RPTOR: variants seen among roughly 807,000 people sequenced by gnomAD.
RPTOR encodes the protein regulatory associated protein of MTOR complex 1, also known as regulatory-associated protein of mTOR.
RPTOR carries 21 observed loss-of-function variants against 169.9 expected under a neutral mutation model. The ratio of observed to expected loss-of-function variants is 0.12; its 90% CI spans 0.09 to 0.18. RPTOR has a LOEUF of 0.18. Among genes scored for constraint, RPTOR ranks in the 10% least tolerant of loss-of-function variants. RPTOR has a pLI of 1.00. For missense variants in RPTOR, 1,133 were observed against 1,855.9 expected, an observed-to-expected ratio of 0.61 and a Z score of 7.16; for synonymous variants, 732 against 753.2, an observed-to-expected ratio of 0.97 and a Z score of 0.46.
Position 80,922,823 on chromosome 17 carries a change from G to C in RPTOR, c.2620G>C (p.Ala874Pro). The C allele has an allele frequency of 1.9e-6, 3 of 1,565,974 alleles. No homozygotes were observed. The highest frequency in any genetic ancestry group is 1.2e-5 in the South Asian group (1 of 85,874). ...CAACAAGGGCGTGCACATCCACCAG[G>C]CGGGGTAAGTGCCGCCCGCTCAGCC... is the stretch of plus-strand genomic sequence containing the variant. ...PTNKGVHIHQAGGSPPASSTS... is the reference protein window; with the variant it reads ...PTNKGVHIHQPGGSPPASSTS... The change falls in exon 22 of 34, where the codon GCG (alanine) becomes CCG (proline). Residue 874 changes from alanine to proline, a missense_variant. Ala to Pro is a conservative substitution (Grantham distance 27). Around this residue, in one of 9 missense-constraint regions of RPTOR, gnomAD observed 123 missense variants for 129.0 expected, o/e 0.95. Coordinates refer to ENST00000306801, the MANE Select transcript of RPTOR (RefSeq NM_020761.3).
intron 3 of RPTOR, among the ~76,000 whole-genome samples, chr17:80,690,039 A>G (rs1481586452): frequency 6.6e-6 from 1 of 152,222 alleles, no homozygotes; most frequent in Non-Finnish European, 1.5e-5. Flanking sequence ...TTAATCATTG[A>G]AACATTTTCA....
At position 80,730,994 on chromosome 17, in the gene RPTOR, C is replaced by T. The variant is rs541829018; in HGVS notation, c.654+288C>T. 6.6e-6 allele frequency among the ~76,000 whole-genome samples: 1 copy of T among 152,304 alleles called. No homozygotes were observed. The highest frequency in any genetic ancestry group is 2.1e-4 in the South Asian group (1 of 4,832). ...GCCCAAGCAATCTTCCCTTCTCAGC[C>T]TCCTGAGTAGCTGAGACTACAGGTG... On this transcript the variant is annotated intron_variant, in intron 5 of 33. Coordinates refer to ENST00000306801, the MANE Select transcript of RPTOR (RefSeq NM_020761.3). This position sits in a 1 kb window ranked among gnomAD's most constrained non-coding sequence, Gnocchi z 4.2.
chr17:80,833,460 T>G (rs2067529490), intron 9 of RPTOR, among the ~76,000 whole-genome samples: 1 of 152,166 alleles, frequency 6.6e-6, no homozygotes, highest in Non-Finnish European at 1.5e-5. Flanking sequence ...ACCTTCCCGG[T>G]CCCCTCCCAC....
intron 17 of RPTOR, among the ~76,000 whole-genome samples, chr17:80,890,756 C>T (rs1240529305): frequency 6.6e-6 from 1 of 152,152 alleles, no homozygotes; most frequent in Non-Finnish European, 1.5e-5. Context: ...AGGGAAACCA[C>T]AAAGCATGAT....
chr17:80,822,399 T>C, intron 8 of RPTOR, 98 bp downstream of exon 8: 1 of 1,195,302 alleles, frequency 8.4e-7, no homozygotes, highest in South Asian at 1.2e-5. Context: ...GATCCGTGAG[T>C]GCCTCCCTAG....
At chr17:80,757,328 A>G (rs562694944) in intron 6 of RPTOR, among the ~76,000 whole-genome samples, 2 of 152,272 alleles carry the variant, frequency 1.3e-5, no homozygotes, top group East Asian at 3.9e-4. Flanking sequence ...GAGGCGGAAG[A>G]CCCTCTTGAG....
chr17:80,628,638 C>G (rs2065414398), intron 2 of RPTOR, among the ~76,000 whole-genome samples: 3 of 151,858 alleles, frequency 2.0e-5, no homozygotes, highest in South Asian at 4.2e-4. Flanking sequence ...TTTATTCTCC[C>G]CACCCTTTTT....
intron 7 of RPTOR, among the ~76,000 whole-genome samples, chr17:80,801,165 C>T (rs1003872964): frequency 1.3e-5 from 2 of 152,184 alleles, no homozygotes; most frequent in Non-Finnish European, 2.9e-5. Context: ...GGAGCTGCTG[C>T]TTGAGAGCAC....
Position 80,893,428 on chromosome 17 carries a change from GCCAGGGTGTGTGTA to G in RPTOR, c.2243-277_2243-264del, listed in dbSNP as rs1325625996. Among the ~76,000 whole-genome samples, 9 of 146,098 alleles carry G rather than the reference GCCAGGGTGTGTGTA, an allele frequency of 6.2e-5. No individual in the cohort carries two copies. The East Asian group carries it at 1.6e-3, about 26-fold the overall frequency. On this transcript the variant is annotated intron_variant, in intron 19 of 33. Coordinates refer to ENST00000306801, the MANE Select transcript of RPTOR (RefSeq NM_020761.3). ...TGTGTGTGTACAAGGGTGTGTGTGT[GCCAGGGTGTGTGTA>G]CTGGGTGTGTATACGCGCCAGGTTG... is the stretch of plus-strand genomic sequence containing the variant.
rs143747077 is a variant in RPTOR, at chr17:80,644,764, G to A, written c.348+954G>A. On this transcript the variant is annotated intron_variant, in intron 3 of 33. Coordinates refer to ENST00000306801, the MANE Select transcript of RPTOR (RefSeq NM_020761.3). ...TACATTATTTACATTCTTAGAGTAA[G>A]AGAACAGCCAAAAATGAATTTTTTC... Among the ~76,000 whole-genome samples, 457 of 152,312 alleles carry A rather than the reference G, an allele frequency of 3.0e-3. 2 individuals carry two copies. The highest frequency in any genetic ancestry group is 0.01 in the African/African-American group (419 of 41,566).
intron 5 of RPTOR, among the ~76,000 whole-genome samples, chr17:80,750,548 AGCACCAG>A (rs2066620868): frequency 6.6e-6 from 1 of 152,186 alleles, no homozygotes; most frequent in Admixed American, 6.5e-5. Context: ...GTGCCCTCCC[AGCACCAG>A]GCACACATGG....
At chr17:80,923,266 A>G (rs780619650) in intron 22 of RPTOR, among the ~76,000 whole-genome samples, 2 of 152,082 alleles carry the variant, frequency 1.3e-5, no homozygotes, top group Admixed American at 6.5e-5. Context: ...CTGGAGTTCA[A>G]TGAGGGACAA....
At chr17:80,839,098 GGAAGCTTTTAACACA>G (rs1375232407) in intron 10 of RPTOR, among the ~76,000 whole-genome samples, 1 of 152,200 alleles carries the variant, frequency 6.6e-6, no homozygotes, top group African/African-American at 2.4e-5. Context: ...CAGCCGTCAG[GGAAGCTTTTAACACA>G]TGCAGTCGGG....
At chr17:80,822,784 G>C (rs1269847505) in intron 8 of RPTOR, among the ~76,000 whole-genome samples, 1 of 82,754 alleles carries the variant, frequency 1.2e-5, no homozygotes, top group East Asian at 2.3e-4. Flanking sequence ...GTGTACACCT[G>C]TATGTGTGTG....
Position 80,925,444 on chromosome 17 carries a change from C to T in RPTOR, c.2883C>T (p.Asp961=), listed in dbSNP as rs1371804350. Residue 961 remains aspartate (D), a synonymous_variant, in exon 24 of 34, where the codon GAC becomes GAT. Transcript: ENST00000306801. The stretch of plus-strand genomic sequence containing the variant: ...CCACGGTGCAGACGGGGTTCTGCGA[C>T]TGGAGCGCCCGCTATTTTGCCCAGC... ...ISATVQTGFC[D]WSARYFAQPV... is the part of the protein sequence containing the mutation. 1.9e-6 allele frequency: 3 copies of T among 1,613,584 alleles called. No individual in the cohort carries two copies. The Admixed American group carries it at 5.0e-5, about 27-fold the overall frequency.
At position 80,845,485 on chromosome 17, in the gene RPTOR, T is replaced by G. The variant is rs2067718763; in HGVS notation, c.1213-988T>G. 6.6e-6 allele frequency among the ~76,000 whole-genome samples: 1 copy of G among 150,982 alleles called. No homozygotes were observed. The highest frequency in any genetic ancestry group is 1.5e-5 in the Non-Finnish European group (1 of 67,764). Reference sequence around the variant, plus strand: ...CTGCCGGGTCCTCCAGCCCTCCCCCTGCTTCTCTGCATCTGGGCCCCCTTG... The same window carrying G: ...CTGCCGGGTCCTCCAGCCCTCCCCCGGCTTCTCTGCATCTGGGCCCCCTTG... On this transcript the variant is annotated intron_variant, in intron 10 of 33. Coordinates refer to ENST00000306801, the MANE Select transcript of RPTOR (RefSeq NM_020761.3). This position sits in a 1 kb window ranked among gnomAD's most constrained non-coding sequence, Gnocchi z 5.4.
chr17:80,650,901 G>A (rs2065634068), intron 3 of RPTOR, among the ~76,000 whole-genome samples: 1 of 152,166 alleles, frequency 6.6e-6, no homozygotes, highest in South Asian at 2.1e-4. Context: ...CCTACTTGAA[G>A]TGTAATACTT....
Position 80,947,117 on chromosome 17 carries a change from G to A in RPTOR, c.3141-110G>A. On this transcript the variant is annotated intron_variant, in intron 26 of 33. Coordinates refer to ENST00000306801, the MANE Select transcript of RPTOR (RefSeq NM_020761.3). This position sits in a 1 kb window ranked among gnomAD's most constrained non-coding sequence, Gnocchi z 4.4. ...CAGGTGTGAGCCGCCGTGCCCGGCTGTGGTGTGTGGTTTTTTGATAGCAGC... is the reference window on the plus strand; with the variant it reads ...CAGGTGTGAGCCGCCGTGCCCGGCTATGGTGTGTGGTTTTTTGATAGCAGC... The A allele has an allele frequency of 9.0e-7, 1 of 1,106,428 alleles. No individual in the cohort carries two copies. Among genetic ancestry groups the A allele is most frequent in the Non-Finnish European group, 1.2e-6 (1 of 807,414 alleles). 68.5% of individuals were successfully genotyped at this position (1,106,428 alleles called of 1,614,324 possible).
chr17:80,566,923 A>G (rs1225876353), intron 1 of RPTOR, among the ~76,000 whole-genome samples: 1 of 152,102 alleles, frequency 6.6e-6, no homozygotes, highest in Non-Finnish European at 1.5e-5. Flanking sequence ...TTAAACAGCA[A>G]CAACAAAATA....
Sources: gnomAD v4.1 joint callset for allele counts (sites outside exome capture counted in the v4.1 genomes callset) on GRCh38, gnomAD v4.1.1 for gene constraint, gnomAD v4.1.1 regional missense constraint, Gnocchi (gnomAD v3.1) non-coding constraint, MANE v1.5 for transcripts, NCBI Gene and HGNC (gene_info 2026-07-23, HGNC 2026-07-21) for gene names.